ADRA1A: variants seen among roughly 807,000 people sequenced by gnomAD.
The protein encoded by ADRA1A is adrenoceptor alpha 1A.
A neutral mutation model predicts 29.6 loss-of-function variants in ADRA1A; 31 were observed. That is an observed-to-expected ratio of 1.05 (90% CI 0.79 to 1.41). The LOEUF is 1.41. Among genes scored for constraint, ADRA1A ranks in the 40% most tolerant of loss-of-function variants. The pLI, the probability that ADRA1A is intolerant of heterozygous loss-of-function variation, is 0.00. For synonymous variants in ADRA1A, 311 were observed against 254.3 expected, an observed-to-expected ratio of 1.22 and a Z score of -2.12; for missense variants, 619 against 601.1, an observed-to-expected ratio of 1.03 and a Z score of -0.31.
intron 2 of ADRA1A, among the ~76,000 whole-genome samples, chr8:26,855,620 C>T (rs547018141): frequency 7.9e-5 from 12 of 152,180 alleles, no homozygotes; most frequent in Admixed American, 3.3e-4. Context: ...AGGACAAATA[C>T]CTAATGCATG....
intron 2 of ADRA1A, among the ~76,000 whole-genome samples, chr8:26,786,406 T>A (rs1447399415): frequency 6.6e-6 from 1 of 151,970 alleles, no homozygotes; most frequent in Non-Finnish European, 1.5e-5. Flanking sequence ...CAGTTAATTT[T>A]TGTATTTTTA....
intron 2 of ADRA1A, among the ~76,000 whole-genome samples, chr8:26,808,993 C>T (rs957731704): frequency 2.6e-5 from 4 of 152,140 alleles, no homozygotes; most frequent in Non-Finnish European, 4.4e-5. Flanking sequence ...TAATGAGAAA[C>T]TTGCTTTCTC....
At chr8:26,786,329 G>C in intron 2 of ADRA1A, among the ~76,000 whole-genome samples, 1 of 151,948 alleles carries the variant, frequency 6.6e-6, no homozygotes. Context: ...TCGCCTCCCA[G>C]GCTCAAGCAA....
At chr8:26,797,852 A>C (rs1432594327) in intron 2 of ADRA1A, among the ~76,000 whole-genome samples, 1 of 152,184 alleles carries the variant, frequency 6.6e-6, no homozygotes, top group African/African-American at 2.4e-5. Flanking sequence ...TTACGTCAGT[A>C]CATAATTGTT....
At chr8:26,837,200 C>T (rs1811442478) in intron 2 of ADRA1A, among the ~76,000 whole-genome samples, 1 of 151,216 alleles carries the variant, frequency 6.6e-6, no homozygotes, top group Non-Finnish European at 1.5e-5. Context: ...GCCTGGACCT[C>T]TTCAGGCTTT....
At chr8:26,766,039 G>A (rs1011806638), downstream of ADRA1A, 5 of 1,613,176 alleles carry the variant, frequency 3.1e-6, no homozygotes, top group African/African-American at 6.7e-5. Flanking sequence ...TAGGTCTCCA[G>A]CTACCTGGAG....
chr8:26,760,350 G>A (rs12677286), intron 2 of ADRA1A, among the ~76,000 whole-genome samples: 1 of 152,314 alleles, frequency 6.6e-6, no homozygotes, highest in African/African-American at 2.4e-5. Flanking sequence ...TGAAGGCTTA[G>A]GCTTTAAGAG....
Position 26,864,107 on chromosome 8 carries a change from A to T in ADRA1A, c.863T>A (p.Phe288Tyr). The change falls in exon 2 of 3, where the codon TTT becomes TAT. Residue 288 changes from phenylalanine to tyrosine, a missense_variant. Transcript: ENST00000380573. The surrounding 1 kb of genome is among the most constrained non-coding windows in gnomAD (Gnocchi z 8.1). The stretch of plus-strand genomic sequence containing the variant: ...CTTACCAATGGGCATGACTAAGAAA[A>T]AAGGCAGCCAGCAGAGGACGAAGCA... The part of the protein sequence containing the change: ...VGCFVLCWLP[F>Y]FLVMPIGSFF... The T allele has an allele frequency of 3.7e-6, 6 of 1,613,728 alleles. No homozygotes were observed. Among genetic ancestry groups the T allele is most frequent in the Non-Finnish European group, 5.1e-6 (6 of 1,179,896 alleles).
chr8:26,766,031 G>C (rs751836909), downstream of ADRA1A: 3 of 1,613,050 alleles, frequency 1.9e-6, no homozygotes, highest in Non-Finnish European at 2.5e-6. Flanking sequence ...AGACTGCCTA[G>C]GTCTCCAGCT....
chr8:26,766,159 CA>C (rs747455439), downstream of ADRA1A: 486 of 1,552,516 alleles, frequency 3.1e-4, no homozygotes, highest in African/African-American at 6.2e-4. Context: ...TCTGTCCAAA[CA>C]AAAAAAAAGT....
rs78453893 is a variant in ADRA1A at position 26,773,407 on chromosome 8, A to T, written c.884-2741T>A. Among the ~76,000 whole-genome samples the T allele has an allele frequency of 4.9e-3, 743 of 152,324 alleles. 15 individuals are homozygous for T. The East Asian group carries it at 0.05, about 10-fold the overall frequency. On this transcript the variant is annotated intron_variant, in intron 2 of 2. Coordinates refer to ENST00000380573, the MANE Select transcript of ADRA1A (RefSeq NM_000680.4). The stretch of plus-strand genomic sequence containing the variant: ...GAAAAAAATTTGTCTTACATTATGA[A>T]ACCTATATATTGTCCAATATTTCCT...
In ADRA1A at chr8:26,768,904, G is replaced by T. The variant is rs1374329843; in HGVS notation, c.*1245C>A. 1 of 985,330 alleles carries T rather than the reference G, an allele frequency of 1.0e-6. No individual in the cohort carries two copies. Among genetic ancestry groups the T allele is most frequent in the East Asian group, 1.1e-4 (1 of 8,828 alleles). The allele number at this position is 985,330 out of a possible 1,614,324, so 61.0% of individuals were successfully genotyped here. On this transcript the variant is annotated 3_prime_UTR_variant, in exon 3 of 3. Transcript: ENST00000380573. ...TTGCAGAAAAGTAGGAATAGATGAA[G>T]TTGAGTTGACTACTGGATCTTTTAC... is the stretch of plus-strand genomic sequence containing the variant.
chr8:26,770,239 C>T lies in ADRA1A; in HGVS notation c.1311G>A (p.Gly437=). ...KSFLQVCCCV[G]PSTPSLDKNH... ...TCTTGTCAAGGCTGGGGGTTGAGGGCCCTACACAGCAGCAGACCTGCAAAA... is the reference window on the plus strand; with the variant it reads ...TCTTGTCAAGGCTGGGGGTTGAGGGTCCTACACAGCAGCAGACCTGCAAAA... The change falls in exon 3 of 3, where the codon GGG becomes GGA. Residue 437 remains glycine (G), a synonymous_variant. Transcript: ENST00000380573. 6.2e-7 allele frequency: 1 copy of T among 1,612,774 alleles called. No homozygotes were observed. The highest frequency in any genetic ancestry group is 8.5e-7 in the Non-Finnish European group (1 of 1,179,188).
intron 2 of ADRA1A, among the ~76,000 whole-genome samples, chr8:26,803,848 A>G (rs1808771251): frequency 6.6e-6 from 1 of 152,058 alleles, no homozygotes; most frequent in South Asian, 2.1e-4. Flanking sequence ...GGACATGCAA[A>G]TGAAAAGCGT....
downstream of ADRA1A, among the ~76,000 whole-genome samples, chr8:26,754,902 G>A (rs753343733): frequency 2.6e-5 from 4 of 152,174 alleles, no homozygotes; most frequent in African/African-American, 4.8e-5. Flanking sequence ...TGTAGCGTGA[G>A]CTGTGACCCT....
Position 26,831,257 on chromosome 8 carries a change from G to A in ADRA1A, c.883+32830C>T, listed in dbSNP as rs1810954698. Among the ~76,000 whole-genome samples the A allele has an allele frequency of 6.6e-6, 1 of 152,194 alleles. No homozygotes were observed. The highest frequency in any genetic ancestry group is 2.1e-4 in the South Asian group (1 of 4,828). ...TTAAAACAATTGGCAGAAACAGATT[G>A]AGTTATGAAATGCTTATTATGGATG... On this transcript the variant is annotated intron_variant, in intron 2 of 2. Coordinates refer to ENST00000380573, the MANE Select transcript of ADRA1A (RefSeq NM_000680.4). The surrounding 1 kb of genome is among the most constrained non-coding windows in gnomAD (Gnocchi z 5.2).
chr8:26,840,115 G>A (rs1429390526), intron 2 of ADRA1A, among the ~76,000 whole-genome samples: 1 of 152,210 alleles, frequency 6.6e-6, no homozygotes, highest in Admixed American at 6.5e-5. Flanking sequence ...TATTGCTCAA[G>A]AACATTCGAA....
chr8:26,756,758 T>A, exon 3 of ADRA1A: 1 of 1,614,168 alleles, frequency 6.2e-7, no homozygotes, highest in South Asian at 1.1e-5. Context: ...GGAAGCTGGC[T>A]TCATGTCATG....
chr8:26,818,202 G>A (rs1433417068), intron 2 of ADRA1A, among the ~76,000 whole-genome samples: 3 of 152,182 alleles, frequency 2.0e-5, no homozygotes, highest in Non-Finnish European at 4.4e-5. Context: ...ACAGACATGA[G>A]AAAATTTCTG....
Sources: allele counts gnomAD v4.1 joint callset (sites outside exome capture counted in the v4.1 genomes callset), GRCh38; gene constraint gnomAD v4.1.1; non-coding constraint Gnocchi (gnomAD v3.1); transcripts MANE v1.5; gene names NCBI Gene and HGNC (gene_info 2026-07-23, HGNC 2026-07-21).